Variants in LRP1B observed in about 807,000 individuals in gnomAD.
The protein encoded by LRP1B is low-density lipoprotein receptor-related protein 1B.
LRP1B carries 217 observed loss-of-function variants against 556.6 expected under a neutral mutation model. That is an observed-to-expected ratio of 0.39 (90% CI 0.35 to 0.44). The LOEUF is 0.44. LRP1B is among the 20% of genes least tolerant of loss of function. LRP1B has a pLI of 1.00. For missense variants in LRP1B, 5,053 were observed against 5,620.8 expected, an observed-to-expected ratio of 0.90 and a Z score of 3.23; for synonymous variants, 2,047 against 1,865.8, an observed-to-expected ratio of 1.10 and a Z score of -2.50.
chr2:141,301,643 T>C (rs1686399705), intron 3 of LRP1B, among the ~76,000 whole-genome samples: 1 of 152,178 alleles, frequency 6.6e-6, no homozygotes, highest in African/African-American at 2.4e-5. Context: ...ACTACCAGAA[T>C]ATAAGTGGCC....
intron 66 of LRP1B, among the ~76,000 whole-genome samples, chr2:140,387,935 T>TTTA (rs1683834764): frequency 1.1e-5 from 1 of 90,172 alleles, no homozygotes; most frequent in East Asian, 4.6e-4. Context: ...TTGTACTTTC[T>TTTA]TTTTTTTTTT....
In LRP1B at chr2:140,715,963, T is replaced by C; in HGVS notation, c.6023+10A>G. On this transcript the variant is annotated intron_variant, in intron 37 of 90. Transcript: ENST00000389484. ...AAAACTTGGAAGATATACGTAAATC[T>C]TAAAATTACCCTTTCTCTGGGTGCA... is the stretch of plus-strand genomic sequence containing the variant. 6.4e-7 allele frequency: 1 copy of C among 1,559,648 alleles called. No individual in the cohort carries two copies.
chr2:141,327,066 G>A (rs2105482957), intron 3 of LRP1B, among the ~76,000 whole-genome samples: 2 of 152,266 alleles, frequency 1.3e-5, no homozygotes, highest in East Asian at 3.9e-4. Context: ...ACAGGGCTTA[G>A]TGACTGTATG....
At chr2:140,889,431 G>A (rs1693734188) in intron 23 of LRP1B, among the ~76,000 whole-genome samples, 1 of 152,174 alleles carries the variant, frequency 6.6e-6, no homozygotes, top group South Asian at 2.1e-4. Context: ...GAATAGCTGT[G>A]ATTACAGGCA....
At chr2:141,157,897 C>A (rs996577404) in intron 7 of LRP1B, among the ~76,000 whole-genome samples, 1 of 152,134 alleles carries the variant, frequency 6.6e-6, no homozygotes, top group Non-Finnish European at 1.5e-5. Flanking sequence ...AGTTCAGCAA[C>A]CATAATAGTT....
intron 2 of LRP1B, among the ~76,000 whole-genome samples, chr2:141,632,527 A>G (rs1688951030): frequency 6.6e-6 from 1 of 152,194 alleles, no homozygotes; most frequent in African/African-American, 2.4e-5. Context: ...GTGCTATACT[A>G]TTCTATTTTT....
Position 142,130,969 on chromosome 2 carries a change from G to T in LRP1B, c.-240C>A. On this transcript the variant is annotated 5_prime_UTR_variant, in exon 1 of 91. Coordinates refer to ENST00000389484, the MANE Select transcript of LRP1B (RefSeq NM_018557.3). ...GAGAGGAGGCAGAGCGTGTGTGAGC[G>T]CGAGCGAGACGCCCGTGTGTCTTGA... The T allele has an allele frequency of 1.7e-6, 1 of 573,204 alleles. No homozygotes were observed. The highest frequency in any genetic ancestry group is 2.9e-5 in the East Asian group (1 of 34,154). 35.5% of individuals were successfully genotyped at this position (573,204 alleles called of 1,614,324 possible).
intron 35 of LRP1B, among the ~76,000 whole-genome samples, chr2:140,721,624 T>C (rs1304624259): frequency 7.3e-6 from 1 of 137,372 alleles, no homozygotes; most frequent in African/African-American, 2.7e-5. Context: ...CTTGGCTCAC[T>C]GCAAGCTCCG....
intron 1 of LRP1B, among the ~76,000 whole-genome samples, chr2:141,905,076 C>T (rs1428135355): frequency 6.6e-6 from 1 of 151,560 alleles, no homozygotes; most frequent in African/African-American, 2.4e-5. Context: ...TAATGGGAGT[C>T]CAGAGGTAAA....
At chr2:141,103,515 A>G (rs962842879) in intron 7 of LRP1B, among the ~76,000 whole-genome samples, 3 of 80,656 alleles carry the variant, frequency 3.7e-5, no homozygotes, top group Non-Finnish European at 5.3e-5. Flanking sequence ...GGGCCATAGC[A>G]CACACATTCT....
At chr2:140,872,076 C>G (rs1211372929) in intron 25 of LRP1B, among the ~76,000 whole-genome samples, 32 of 92,430 alleles carry the variant, frequency 3.5e-4, no homozygotes, top group Non-Finnish European at 6.4e-4. Flanking sequence ...TCTCCTAGGA[C>G]CTTGTATTTT....
At chr2:140,373,515 C>T (rs369918992) in intron 68 of LRP1B, among the ~76,000 whole-genome samples, 3 of 152,008 alleles carry the variant, frequency 2.0e-5, no homozygotes, top group African/African-American at 7.2e-5. Context: ...ATGGCTTCAT[C>T]ATACTAATTA....
intron 62 of LRP1B, among the ~76,000 whole-genome samples, chr2:140,454,813 T>C (rs1404484828): frequency 4.6e-5 from 7 of 152,202 alleles, no homozygotes; most frequent in Non-Finnish European, 7.3e-5. Context: ...GTGAGGCTGA[T>C]GTTTTATTCT....
chr2:142,115,749 TTA>T (rs1254034169), intron 1 of LRP1B, among the ~76,000 whole-genome samples: 1 of 30,368 alleles, frequency 3.3e-5, no homozygotes. Context: ...AATATATATA[TTA>T]TATATATGTA....
intron 2 of LRP1B, among the ~76,000 whole-genome samples, chr2:141,727,048 G>GA (rs1173874565): frequency 2.7e-5 from 4 of 150,448 alleles, no homozygotes; most frequent in Non-Finnish European, 4.4e-5. Context: ...ACTGACACAG[G>GA]AAAAAAAAAT....
chr2:140,833,213 T>C (rs1426926639), intron 31 of LRP1B, among the ~76,000 whole-genome samples: 1 of 152,182 alleles, frequency 6.6e-6, no homozygotes, highest in African/African-American at 2.4e-5. Context: ...TACAAATTAT[T>C]GTCAAATAAA....
intron 7 of LRP1B, among the ~76,000 whole-genome samples, chr2:141,152,356 C>A (rs2105086266): frequency 6.6e-6 from 1 of 151,962 alleles, no homozygotes; most frequent in South Asian, 2.1e-4. Context: ...CTAAACCGAA[C>A]TAACTATGAA....
intron 2 of LRP1B, among the ~76,000 whole-genome samples, chr2:141,698,346 T>C (rs551159034): frequency 4.6e-5 from 7 of 151,872 alleles, no homozygotes; most frequent in Non-Finnish European, 1.0e-4. Flanking sequence ...TGGTGAGTGC[T>C]GTACAGGATG....
intron 1 of LRP1B, among the ~76,000 whole-genome samples, chr2:142,100,923 A>G (rs1706546865): frequency 6.6e-6 from 1 of 151,920 alleles, no homozygotes; most frequent in Non-Finnish European, 1.5e-5. Flanking sequence ...AGATGAAGGG[A>G]GAGAGGGAAG....
Sources: gnomAD v4.1 joint callset for allele counts (sites outside exome capture counted in the v4.1 genomes callset) on GRCh38, gnomAD v4.1.1 for gene constraint, MANE v1.5 for transcripts, NCBI Gene and HGNC (gene_info 2026-07-23, HGNC 2026-07-21) for gene names.